The following AFF2 variants were observed in gnomAD, a reference collection of about 807,000 sequenced individuals.
AFF2 encodes AF4/FMR2 family member 2.
A neutral mutation model predicts 76.9 loss-of-function variants in AFF2; 14 were observed. That is an observed-to-expected ratio of 0.18 (90% CI 0.12 to 0.28). The LOEUF (loss-of-function observed/expected upper bound fraction) is 0.28, where lower values mean the gene tolerates loss of function less well. AFF2 is among the 10% of genes least tolerant of loss of function. AFF2 has a pLI of 1.00. For synonymous variants in AFF2, 398 were observed against 366.7 expected (o/e 1.09, Z -0.98); for missense variants, 868 against 1,001.1 (o/e 0.87, Z 1.79).
chrX:148,816,832 C>T (rs782494158), intron 4 of AFF2, among the ~76,000 whole-genome samples: 1 of 107,945 alleles, frequency 9.3e-6, no homozygotes, highest in South Asian at 4.2e-4. Context: ...GAAGAGAATT[C>T]CTGCTAGTCT....
Position 148,719,310 on chromosome X carries a change from T to A in AFF2, c.1041+56542T>A. 8 of 725,087 alleles carry A rather than the reference T, an allele frequency of 1.1e-5. No individual in the cohort carries two copies. The South Asian group carries it at 2.0e-4, about 18-fold the overall frequency. 59.8% of individuals were successfully genotyped at this position (725,087 alleles called of 1,213,427 possible). A position where few individuals can be genotyped will look rare whatever the true frequency, so the allele number is the denominator to read the frequency against. On this transcript the variant is annotated intron_variant, in intron 3 of 20. Transcript: ENST00000370460. ...AGTAGCTTTTCTCTCTCTTTACAAA[T>A]GAGTCCTGATCACAGTGAGGTATTT... is the stretch of plus-strand genomic sequence containing the variant.
intron 1 of AFF2, among the ~76,000 whole-genome samples, chrX:148,530,015 T>A (rs2052711881): frequency 9.0e-6 from 1 of 111,066 alleles, no homozygotes; most frequent in Non-Finnish European, 1.9e-5. Flanking sequence ...GGTGCCCTGG[T>A]TTCCTTATCT....
rs782684996 is a variant in AFF2 at position 148,881,281 on chromosome X, G to T, written c.1263-4608G>T. 3.6e-5 allele frequency among the ~76,000 whole-genome samples: 4 copies of T among 111,754 alleles called. No homozygotes were observed. The East Asian group carries it at 1.1e-3, about 32-fold the overall frequency. ...GAGCCTATTATGCCCAGTCTTACAC[G>T]CAAACTTCAGAGACAGATGTGTGTT... On this transcript the variant is annotated intron_variant, in intron 7 of 20. Transcript: ENST00000370460.
intron 1 of AFF2, among the ~76,000 whole-genome samples, chrX:148,525,850 A>T (rs1226224340): frequency 8.9e-6 from 1 of 111,842 alleles, no homozygotes; most frequent in African/African-American, 3.2e-5. Context: ...ACTCAGTGTC[A>T]GTAGGCTGAG....
chrX:148,590,994 G>T (rs2053517263), intron 1 of AFF2, among the ~76,000 whole-genome samples: 1 of 111,728 alleles, frequency 9.0e-6, no homozygotes, highest in Non-Finnish European at 1.9e-5. Flanking sequence ...TGCACAAGAT[G>T]GTTGTTTCTG....
At chrX:148,871,356 G>A (rs953872440) in intron 7 of AFF2, among the ~76,000 whole-genome samples, 8 of 111,055 alleles carry the variant, frequency 7.2e-5, no homozygotes, top group Admixed American at 5.7e-4. Context: ...TGAAGGACCC[G>A]GCCTTGCGTA....
At chrX:148,813,059 C>T (rs2070223433) in intron 4 of AFF2, among the ~76,000 whole-genome samples, 1 of 112,458 alleles carries the variant, frequency 8.9e-6, no homozygotes, top group African/African-American at 3.2e-5. Context: ...ACCTTATTTT[C>T]CTATAGCAGG....
chrX:148,507,467 A>G (rs2052432656), intron 1 of AFF2, among the ~76,000 whole-genome samples: 1 of 112,072 alleles, frequency 8.9e-6, no homozygotes, highest in African/African-American at 3.2e-5. Context: ...GAACATTAAT[A>G]AAGAATGTGT....
chrX:148,866,982 A>T (rs1439689009), intron 7 of AFF2, among the ~76,000 whole-genome samples: 2 of 112,178 alleles, frequency 1.8e-5, no homozygotes, highest in Admixed American at 1.9e-4. Context: ...TCAACAACGC[A>T]CATGTGGTAG....
At chrX:148,751,709 A>C (rs1557266496) in intron 3 of AFF2, among the ~76,000 whole-genome samples, 2 of 111,671 alleles carry the variant, frequency 1.8e-5, no homozygotes, top group African/African-American at 6.5e-5. Flanking sequence ...AGGTGCTTAA[A>C]AAATGGTGGT....
At chrX:148,769,701 G>A (rs377167647) in intron 3 of AFF2, among the ~76,000 whole-genome samples, 1 of 110,657 alleles carries the variant, frequency 9.0e-6, no homozygotes, top group East Asian at 2.9e-4. Context: ...AGCCGCTGGA[G>A]TAGTATGGAA....
At chrX:148,738,164 A>G (rs1478340696) in intron 3 of AFF2, among the ~76,000 whole-genome samples, 11 of 110,974 alleles carry the variant, frequency 9.9e-5, no homozygotes, top group African/African-American at 3.0e-4. Flanking sequence ...TTCTTTCTCT[A>G]TCTTGTGGAA....
intron 9 of AFF2, among the ~76,000 whole-genome samples, chrX:148,910,995 G>T (rs1343834947): frequency 3.6e-5 from 4 of 110,453 alleles, no homozygotes; most frequent in African/African-American, 1.3e-4. Flanking sequence ...TCAAAGCCTG[G>T]AAATCTGTTT....
chrX:148,719,482 C>T (rs1012948602), intron 3 of AFF2, among the ~76,000 whole-genome samples: 1 of 111,372 alleles, frequency 9.0e-6, no homozygotes, highest in Non-Finnish European at 1.9e-5. Context: ...ACTGACTGTC[C>T]CTTTTGGAAC....
chrX:148,809,839 A>G (rs1557271659), intron 3 of AFF2, 37 bp from the exon 4 acceptor site: 2 of 1,187,980 alleles, frequency 1.7e-6, no homozygotes, highest in South Asian at 3.6e-5. Flanking sequence ...AAGAAGAAGT[A>G]GATTGTGCCT....
intron 1 of AFF2, among the ~76,000 whole-genome samples, chrX:148,614,743 T>C (rs868921922): frequency 0.014 from 426 of 29,568 alleles, 1 homozygote; most frequent in Middle Eastern, 0.02. Context: ...CCTTCTTTTC[T>C]TTCTTTCTTT....
chrX:148,501,282 G>A, intron 1 of AFF2, 138 bp downstream of exon 1: 4 of 803,002 alleles, frequency 5.0e-6, no homozygotes, highest in Non-Finnish European at 7.1e-6. Context: ...AGCCACCTCT[G>A]GCCCCGGCCG....
rs782369901 is a variant in AFF2, at chrX:148,991,268, C to T, written c.3872C>T (p.Thr1291Ile). The change falls in exon 21 of 21, where the codon ACC becomes ATC. Residue 1291 changes from threonine to isoleucine, a missense_variant. Thr to Ile is a moderately conservative substitution (Grantham distance 89). Coordinates refer to ENST00000370460, the MANE Select transcript of AFF2 (RefSeq NM_002025.4). ...CCTCTGACCCAGCACAGCAGCATGA[C>T]CAATCTTGTCCGCTACGTTCGCCAA... ...MGPLTQHSSMTNLVRYVRQGL... is the reference protein window; with the variant it reads ...MGPLTQHSSMINLVRYVRQGL... The T allele has an allele frequency of 1.8e-5, 22 of 1,208,052 alleles. No homozygotes were observed. The highest frequency in any genetic ancestry group is 2.5e-5 in the Non-Finnish European group (22 of 894,099).
intron 3 of AFF2, among the ~76,000 whole-genome samples, chrX:148,802,905 A>G (rs961576703): frequency 2.7e-5 from 3 of 112,147 alleles, no homozygotes; most frequent in Non-Finnish European, 3.8e-5. Flanking sequence ...ATATATTTAG[A>G]TAATGTATTA....
Sources: gnomAD v4.1 joint callset for allele counts (sites outside exome capture counted in the v4.1 genomes callset) on GRCh38, gnomAD v4.1.1 for gene constraint, MANE v1.5 for transcripts, NCBI Gene and HGNC (gene_info 2026-07-23, HGNC 2026-07-21) for gene names.